PRDM16: variants seen among roughly 807,000 people sequenced by gnomAD.
PRDM16 encodes the protein PR/SET domain 16.
Under a neutral mutation model 110.6 loss-of-function variants are expected in PRDM16, and 23 were observed. The observed-to-expected ratio is 0.21, with a 90% CI of 0.15 to 0.29. The LOEUF (loss-of-function observed/expected upper bound fraction) is 0.29. PRDM16 is among the 10% of genes least tolerant of loss of function. PRDM16 has a pLI of 1.00. For synonymous variants in PRDM16, 799 were observed against 781.8 expected (o/e 1.02, Z -0.37); for missense variants, 1,615 against 1,794.3 (o/e 0.90, Z 1.81).
At chr1:3,170,168 A>C (rs556864219) in intron 1 of PRDM16, among the ~76,000 whole-genome samples, 1 of 152,352 alleles carries the variant, frequency 6.6e-6, no homozygotes, top group East Asian at 1.9e-4. Context: ...GGTTAAAACT[A>C]TGAACGTCTT....
At chr1:3,315,586 T>C (rs750889315) in intron 3 of PRDM16, among the ~76,000 whole-genome samples, 1 of 152,212 alleles carries the variant, frequency 6.6e-6, no homozygotes, top group Non-Finnish European at 1.5e-5. Flanking sequence ...TGTTGTACTT[T>C]TTTAATGAGC....
At chr1:3,328,993 G>A (rs944731237) in intron 3 of PRDM16, among the ~76,000 whole-genome samples, 1 of 152,134 alleles carries the variant, frequency 6.6e-6, no homozygotes, top group African/African-American at 2.4e-5. Flanking sequence ...CAGGCCAGAG[G>A]AGAACAGGGG....
At chr1:3,170,546 G>T (rs1388848336) in intron 1 of PRDM16, among the ~76,000 whole-genome samples, 1 of 152,204 alleles carries the variant, frequency 6.6e-6, no homozygotes, top group Non-Finnish European at 1.5e-5. Flanking sequence ...AGGAGCATCT[G>T]GGTGGCCCCC....
chr1:3,387,844 A>C (rs573655233), intron 4 of PRDM16, among the ~76,000 whole-genome samples: 1 of 152,360 alleles, frequency 6.6e-6, no homozygotes, highest in South Asian at 2.1e-4. Flanking sequence ...AATATGAAAA[A>C]CTGCTCTCAG....
In PRDM16 at chr1:3,412,503, C is replaced by T; in HGVS notation, c.2306C>T (p.Ala769Val). 3 of 1,613,328 alleles carry T rather than the reference C, an allele frequency of 1.9e-6. No homozygotes were observed. The highest frequency in any genetic ancestry group is 2.2e-5 in the South Asian group (2 of 91,080). The change falls in exon 9 of 17, where the codon GCC (alanine) becomes GTC (valine). Residue 769 changes from alanine (A) to valine (V), a missense_variant. Physicochemically the swap from Ala to Val is moderately conservative, Grantham distance 64. This residue lies in a region of PRDM16 where 772 missense variants were observed against 748.3 expected (regional missense o/e 1.03). Coordinates refer to ENST00000270722, the MANE Select transcript of PRDM16 (RefSeq NM_022114.4). ...GCCCTCAAGGTGGGCGGCCCCAGTG[C>T]CGAGTGCCCCTTTGATCTCACCACC... is the stretch of plus-strand genomic sequence containing the variant. ...RDALKVGGPS[A>V]ECPFDLTTKP... is the part of the protein sequence containing the mutation.
At position 3,243,860 on chromosome 1, in the gene PRDM16, G is replaced by T. The variant is rs1445619611; in HGVS notation, c.388-227G>T. Among the ~76,000 whole-genome samples the T allele has an allele frequency of 6.6e-6, 1 of 152,156 alleles. No homozygotes were observed. The highest frequency in any genetic ancestry group is 1.5e-5 in the Non-Finnish European group (1 of 68,014). On this transcript the variant is annotated intron_variant, in intron 2 of 16. Transcript: ENST00000270722. This position sits in a 1 kb window ranked among gnomAD's most constrained non-coding sequence, Gnocchi z 5.5. ...CCTGGAGTGCAGTGTTTCCAGGGAG[G>T]TGAAGTCCCTGGGGGGCGCTTGGAG... is the stretch of plus-strand genomic sequence containing the variant.
At chr1:3,193,329 T>C (rs1410242146) in intron 2 of PRDM16, among the ~76,000 whole-genome samples, 1 of 152,238 alleles carries the variant, frequency 6.6e-6, no homozygotes, top group Non-Finnish European at 1.5e-5. Flanking sequence ...CTCCCACCAG[T>C]GCCAGGTCTA....
chr1:3,423,628 G>A (rs547856029), intron 12 of PRDM16, among the ~76,000 whole-genome samples: 25 of 152,310 alleles, frequency 1.6e-4, no homozygotes, highest in East Asian at 5.8e-4. Flanking sequence ...GGCACCGGTC[G>A]GGGCGGGGTG....
In PRDM16 at chr1:3,334,585, A is replaced by G. The variant is rs1642106932; in HGVS notation, c.439-50567A>G. Among the ~76,000 whole-genome samples the G allele has an allele frequency of 3.3e-5, 5 of 151,994 alleles. No homozygotes were observed. The South Asian group carries it at 8.3e-4, about 25-fold the overall frequency. ...AGGGAACCAGCCCTTGACACCTACA[A>G]TGGCCACAATGCCTGCCTTGCAGAG... On this transcript the variant is annotated intron_variant, in intron 3 of 16. Coordinates refer to ENST00000270722, the MANE Select transcript of PRDM16 (RefSeq NM_022114.4).
At chr1:3,432,821 A>G (rs142587377) in intron 16 of PRDM16, among the ~76,000 whole-genome samples, 113 of 152,114 alleles carry the variant, frequency 7.4e-4, no homozygotes, top group African/African-American at 2.5e-3. Flanking sequence ...GGGCTTCCCC[A>G]CCTTCCCTGC....
At position 3,184,947 on chromosome 1, in the gene PRDM16, G is replaced by A. The variant is rs531120800; in HGVS notation, c.38-1178G>A. On this transcript the variant is annotated intron_variant, in intron 1 of 16. Coordinates refer to ENST00000270722, the MANE Select transcript of PRDM16 (RefSeq NM_022114.4). ...GCATCGGCTTCCTACGCCGAGTGCC[G>A]CATGTCCCAGGCTGGTCCAGGCCGC... Among the ~76,000 whole-genome samples, 10 of 152,254 alleles carry A rather than the reference G, an allele frequency of 6.6e-5. No homozygotes were observed. In the South Asian group the frequency reaches 1.2e-3, roughly 19 times the overall value.
chr1:3,277,332 G>C (rs565627102), intron 3 of PRDM16, among the ~76,000 whole-genome samples: 1 of 152,194 alleles, frequency 6.6e-6, no homozygotes, highest in Non-Finnish European at 1.5e-5. Context: ...TCCCTGTGGC[G>C]CACTGGCATC....
rs970357629 is a variant in PRDM16 at position 3,436,186 on chromosome 1, A to C, written c.*2375A>C. On this transcript the variant is annotated 3_prime_UTR_variant, in exon 17 of 17. Transcript: ENST00000270722. ...AATTATATGGTTTCTTCTGCGAAAG[A>C]GTAAGGTGTGTGCTTTTTTTTTTTT... 4.9e-6 allele frequency: 1 copy of C among 206,080 alleles called. No individual in the cohort carries two copies. The highest frequency in any genetic ancestry group is 6.5e-5 in the East Asian group (1 of 15,470). The allele number at this position is 206,080 out of a possible 1,614,324, so 12.8% of individuals were successfully genotyped here.
chr1:3,363,150 T>C (rs2100562493), intron 3 of PRDM16, among the ~76,000 whole-genome samples: 1 of 151,870 alleles, frequency 6.6e-6, no homozygotes. Flanking sequence ...ATGCTCAAAG[T>C]CCTCCAGCCC....
intron 3 of PRDM16, among the ~76,000 whole-genome samples, chr1:3,280,485 A>G (rs1640690261): frequency 6.6e-6 from 1 of 152,224 alleles, no homozygotes; most frequent in African/African-American, 2.4e-5. Flanking sequence ...ACACCAGAGA[A>G]AAGCCAGAGT....
chr1:3,138,276 A>G (rs1367552378), intron 1 of PRDM16, among the ~76,000 whole-genome samples: 2 of 152,220 alleles, frequency 1.3e-5, no homozygotes, highest in Non-Finnish European at 2.9e-5. Flanking sequence ...CAAGTTCAAC[A>G]ATGGCTGCCA....
intron 3 of PRDM16, among the ~76,000 whole-genome samples, chr1:3,278,580 G>A (rs1258684187): frequency 6.6e-6 from 1 of 152,228 alleles, no homozygotes; most frequent in Non-Finnish European, 1.5e-5. Context: ...AACAGGCCCT[G>A]GAACCTCAGC....
chr1:3,383,307 C>G (rs985715201), intron 3 of PRDM16, among the ~76,000 whole-genome samples: 6 of 152,216 alleles, frequency 3.9e-5, no homozygotes, highest in African/African-American at 1.4e-4. Flanking sequence ...GCACGCCCCT[C>G]TATCCTGGCT....
chr1:3,147,731 C>T (rs1020129961), intron 1 of PRDM16, among the ~76,000 whole-genome samples: 1 of 152,166 alleles, frequency 6.6e-6, no homozygotes, highest in Non-Finnish European at 1.5e-5. Flanking sequence ...ATACCCTGGG[C>T]GGCCTCAGTC....
Sources: allele counts gnomAD v4.1 joint callset (sites outside exome capture counted in the v4.1 genomes callset), GRCh38; gene constraint gnomAD v4.1.1; regional missense constraint gnomAD v4.1.1; non-coding constraint Gnocchi (gnomAD v3.1); transcripts MANE v1.5; gene names NCBI Gene and HGNC (gene_info 2026-07-23, HGNC 2026-07-21).